Variants in RBFOX1 observed in about 807,000 individuals in gnomAD.
RBFOX1 encodes the protein RNA binding protein fox-1 homolog 1.
In RBFOX1, 8 loss-of-function variants were observed where a neutral mutation model predicts 57.7. That is an observed-to-expected ratio of 0.14 (90% CI 0.08 to 0.25). The LOEUF (loss-of-function observed/expected upper bound fraction) is 0.25, where lower values mean the gene tolerates loss of function less well. Among genes scored for constraint, RBFOX1 ranks in the 10% least tolerant of loss-of-function variants. RBFOX1 has a pLI of 1.00. For synonymous variants in RBFOX1, 326 were observed against 222.4 expected (o/e 1.47, Z -4.15); for missense variants, 611 against 548.5 (o/e 1.11, Z -1.14).
chr16:7,565,522 C>G (rs1366509216), intron 5 of RBFOX1, among the ~76,000 whole-genome samples: 7 of 152,148 alleles, frequency 4.6e-5, no homozygotes, highest in Non-Finnish European at 1.5e-5. Flanking sequence ...ACCGTGGACC[C>G]TGTAAATTCA....
chr16:6,018,443 T>C (rs1490957886), upstream of RBFOX1, among the ~76,000 whole-genome samples: 1 of 152,168 alleles, frequency 6.6e-6, no homozygotes, highest in Admixed American at 6.5e-5. Context: ...TAAGGCGTCA[T>C]GGGGCTTCTG....
intron 4 of RBFOX1, among the ~76,000 whole-genome samples, chr16:7,342,402 G>A (rs1442637581): frequency 1.3e-5 from 2 of 152,150 alleles, no homozygotes; most frequent in South Asian, 4.1e-4. Context: ...AGCACCCATG[G>A]TTTCAACCTG....
intron 3 of RBFOX1, among the ~76,000 whole-genome samples, chr16:5,775,029 T>A (rs1289121656): frequency 1.3e-5 from 2 of 152,154 alleles, no homozygotes. Context: ...CCTTCGCTTT[T>A]CCCTAAACCA....
intron 3 of RBFOX1, among the ~76,000 whole-genome samples, chr16:6,757,633 C>G (rs913513326): frequency 6.6e-6 from 1 of 151,910 alleles, no homozygotes; most frequent in African/African-American, 2.4e-5. Flanking sequence ...ATGGTGGTTA[C>G]CAGAGGCTGG....
intron 2 of RBFOX1, among the ~76,000 whole-genome samples, chr16:6,595,144 A>C (rs1304577584): frequency 1.3e-5 from 2 of 152,164 alleles, no homozygotes; most frequent in East Asian, 1.9e-4. Flanking sequence ...CCATCAGCGC[A>C]TTCTAAATTT....
Position 5,451,310 on chromosome 16 carries a change from G to C in RBFOX1, c.220-15906G>C, listed in dbSNP as rs547713259. 1.7e-3 allele frequency among the ~76,000 whole-genome samples: 266 copies of C among 152,160 alleles called. 1 individual carries two copies. Among genetic ancestry groups the C allele is most frequent in the Non-Finnish European group, 3.0e-3 (205 of 68,040 alleles). On this transcript the variant is annotated intron_variant, in intron 1 of 2. Transcript: ENST00000585867. ...AGAGATAGAAAGGAGACCTCTCAGAGAGCGATGATTTGTAATGACCCATCA... is the reference window on the plus strand; with the variant it reads ...AGAGATAGAAAGGAGACCTCTCAGACAGCGATGATTTGTAATGACCCATCA...
intron 1 of RBFOX1, among the ~76,000 whole-genome samples, chr16:6,296,699 C>T (rs758872795): frequency 4.6e-5 from 7 of 152,154 alleles, no homozygotes; most frequent in Middle Eastern, 3.2e-3. Context: ...GGATTACAGA[C>T]GTGAGCCACC....
At chr16:6,388,036 C>G (rs1437318926) in intron 2 of RBFOX1, among the ~76,000 whole-genome samples, 3 of 138,566 alleles carry the variant, frequency 2.2e-5, no homozygotes, top group Non-Finnish European at 4.5e-5. Context: ...CTGGAGTGCA[C>G]TGGAACGATT....
chr16:6,563,572 G>A (rs1395648384), intron 2 of RBFOX1, among the ~76,000 whole-genome samples: 8 of 152,188 alleles, frequency 5.3e-5, no homozygotes, highest in Non-Finnish European at 1.0e-4. Flanking sequence ...GGCTGGGTGT[G>A]GTGGCTCACG....
At chr16:5,918,741 G>C (rs980823330) in intron 4 of RBFOX1, among the ~76,000 whole-genome samples, 7 of 152,216 alleles carry the variant, frequency 4.6e-5, no homozygotes, top group Non-Finnish European at 1.0e-4. Context: ...ATTTGCATAA[G>C]ACTTCCTGGT....
intron 4 of RBFOX1, among the ~76,000 whole-genome samples, chr16:7,517,422 C>A (rs981679296): frequency 2.0e-5 from 3 of 151,868 alleles, no homozygotes; most frequent in South Asian, 4.2e-4. Flanking sequence ...AGAGTTAAAT[C>A]CAATATTTTT....
chr16:5,674,069 C>T (rs1422986494), intron 3 of RBFOX1, among the ~76,000 whole-genome samples: 1 of 152,138 alleles, frequency 6.6e-6, no homozygotes, highest in Non-Finnish European at 1.5e-5. Context: ...CTTGGTTGTC[C>T]ATCCTCTATG....
At chr16:5,780,820 G>C (rs1291915136) in intron 3 of RBFOX1, among the ~76,000 whole-genome samples, 1 of 152,224 alleles carries the variant, frequency 6.6e-6, no homozygotes, top group Non-Finnish European at 1.5e-5. Context: ...CCTTGAGCAA[G>C]ACACTTCTTT....
intron 1 of RBFOX1, among the ~76,000 whole-genome samples, chr16:6,284,646 G>T (rs2076717225): frequency 6.6e-6 from 1 of 152,150 alleles, no homozygotes; most frequent in African/African-American, 2.4e-5. Context: ...ACAGAAAGTG[G>T]AGAGGTCCTT....
At chr16:7,111,559 T>C (rs2064777345) in intron 4 of RBFOX1, among the ~76,000 whole-genome samples, 1 of 152,146 alleles carries the variant, frequency 6.6e-6, no homozygotes, top group Non-Finnish European at 1.5e-5. Flanking sequence ...ATATCAGTTT[T>C]ATCAGCTTAT....
chr16:6,109,777 T>C (rs188668906), intron 1 of RBFOX1, among the ~76,000 whole-genome samples: 2 of 152,314 alleles, frequency 1.3e-5, no homozygotes, highest in Non-Finnish European at 2.9e-5. Context: ...ACAGGAATCC[T>C]TGTACAACAT....
At chr16:7,308,294 G>A in intron 4 of RBFOX1, among the ~76,000 whole-genome samples, 1 of 32,214 alleles carries the variant, frequency 3.1e-5, no homozygotes, top group East Asian at 1.4e-3. Context: ...TCCACCCAGA[G>A]CTGTTTTTTT....
At chr16:7,603,966 C>T (rs962761610) in intron 9 of RBFOX1, among the ~76,000 whole-genome samples, 3 of 152,054 alleles carry the variant, frequency 2.0e-5, no homozygotes, top group Non-Finnish European at 4.4e-5. Flanking sequence ...TAGGGCATTT[C>T]TGCTGTTGAA....
chr16:6,841,277 G>A (rs1231113245), intron 3 of RBFOX1, among the ~76,000 whole-genome samples: 2 of 152,102 alleles, frequency 1.3e-5, no homozygotes, highest in East Asian at 1.9e-4. Flanking sequence ...AATTCCTTGC[G>A]AGGTTTGATA....
Sources: gnomAD v4.1 joint callset for allele counts (sites outside exome capture counted in the v4.1 genomes callset) on GRCh38, gnomAD v4.1.1 for gene constraint, MANE v1.5 for transcripts, NCBI Gene and HGNC (gene_info 2026-07-23, HGNC 2026-07-21) for gene names.